Variants in CCDC187 observed in about 807,000 individuals in gnomAD.
CCDC187 encodes the protein coiled-coil domain containing 187.
In CCDC187, 32 loss-of-function variants were observed where a neutral mutation model predicts 38.0. The observed-to-expected ratio is 0.84, with a 90% CI of 0.64 to 1.13. The LOEUF is 1.13. Among genes scored for constraint, CCDC187 ranks in the 50% most tolerant of loss-of-function variants. The pLI is 0.00. For synonymous variants in CCDC187, 333 were observed against 347.9 expected, an observed-to-expected ratio of 0.96 and a Z score of 0.48; for missense variants, 707 against 786.8, an observed-to-expected ratio of 0.90 and a Z score of 1.21.
rs73670220 is a variant in CCDC187, at chr9:136,265,863, T to C, written c.3735+93A>G. 4.6e-4 allele frequency: 284 copies of C among 620,446 alleles called. No individual in the cohort carries two copies. The African/African-American group carries it at 5.3e-3, about 12-fold the overall frequency. The allele number at this position is 620,446 out of a possible 1,614,324, so 38.4% of individuals were successfully genotyped here. The stretch of plus-strand genomic sequence containing the variant: ...AGGGCTTGGGAATTCTTTAGCTCTG[T>C]TGCTGGGGAATGTTCAGATTCCAGG... On this transcript the variant is annotated intron_variant, in intron 17 of 25. Coordinates refer to ENST00000638797, the MANE Select transcript of CCDC187 (RefSeq NM_001378188.1).
In CCDC187 at chr9:136,253,079, T is replaced by G. The variant is rs782073171; in HGVS notation, c.*515A>C. ...CTTCCTGTTCTTACCCAGCATTTCT[T>G]TGGGGTCTTGGCCCCTGGTGGGGGT... On this transcript the variant is annotated 3_prime_UTR_variant, in exon 26 of 26. Coordinates refer to ENST00000638797, the MANE Select transcript of CCDC187 (RefSeq NM_001378188.1). The G allele has an allele frequency of 6.6e-6, 1 of 152,426 alleles. No homozygotes were observed. The highest frequency in any genetic ancestry group is 1.5e-5 in the Non-Finnish European group (1 of 68,264). 9.4% of individuals were successfully genotyped at this position (152,426 alleles called of 1,614,324 possible).
intron 7 of CCDC187, among the ~76,000 whole-genome samples, chr9:136,287,127 C>T (rs1042330758): frequency 1.2e-4 from 19 of 152,166 alleles, no homozygotes; most frequent in African/African-American, 2.7e-4. Flanking sequence ...CATCGAGGGA[C>T]GAACGGAGAA....
At chr9:136,269,476 C>T (rs555712427) in intron 14 of CCDC187, among the ~76,000 whole-genome samples, 6 of 152,172 alleles carry the variant, frequency 3.9e-5, no homozygotes, top group Admixed American at 1.3e-4. Flanking sequence ...GGTGAAACCC[C>T]GTCTCTACTA....
intron 2 of CCDC187, among the ~76,000 whole-genome samples, chr9:136,302,090 A>G (rs1254730107): frequency 1.1e-4 from 16 of 151,916 alleles, no homozygotes; most frequent in African/African-American, 3.6e-4. Context: ...GGTGCCTGTA[A>G]TCCCAGCTAC....
chr9:136,253,545 GGTC>G lies in CCDC187; in HGVS notation c.*46_*48del. ...GCTGCAGAACTGCATCTACCCAACT[GGTC>G]GTCAACGCTTCCACCCGGACCAGCC... On this transcript the variant is annotated 3_prime_UTR_variant, in exon 26 of 26. Transcript: ENST00000638797. The G allele has an allele frequency of 1.1e-6, 1 of 950,170 alleles. No individual in the cohort carries two copies. Among genetic ancestry groups the G allele is most frequent in the Non-Finnish European group, 1.3e-6 (1 of 797,666 alleles). 58.9% of individuals were successfully genotyped at this position (950,170 alleles called of 1,614,324 possible). A position where few individuals can be genotyped will look rare whatever the true frequency, so the allele number is the denominator to read the frequency against.
intron 15 of CCDC187, chr9:136,267,841 C>T (rs1830773881): frequency 6.1e-6 from 6 of 984,714 alleles, no homozygotes; most frequent in Non-Finnish European, 7.2e-6. Context: ...GTTGAAATGC[C>T]TGCCCCCCTC....
chr9:136,288,307 A>G (rs1414737475), intron 7 of CCDC187, among the ~76,000 whole-genome samples: 1 of 152,122 alleles, frequency 6.6e-6, no homozygotes, highest in Non-Finnish European at 1.5e-5. Context: ...TCAAGACAAA[A>G]TGGAGCCAAA....
Position 136,258,606 on chromosome 9 carries a change from T to C in CCDC187, c.4366+326A>G, listed in dbSNP as rs953865969. The C allele has an allele frequency of 1.3e-6, 1 of 761,274 alleles. No homozygotes were observed. Among genetic ancestry groups the C allele is most frequent in the East Asian group, 1.3e-4 (1 of 7,728 alleles). The allele number at this position is 761,274 out of a possible 1,614,324, so 47.2% of individuals were successfully genotyped here. Reference sequence around the variant, plus strand: ...AATGTAATCGGTGCAGAAACCTCCGTCAGCTGAAGACGCTCAGGCAGTGCT... The same window carrying C: ...AATGTAATCGGTGCAGAAACCTCCGCCAGCTGAAGACGCTCAGGCAGTGCT... On this transcript the variant is annotated intron_variant, in intron 22 of 25. Coordinates refer to ENST00000638797, the MANE Select transcript of CCDC187 (RefSeq NM_001378188.1). This position sits in a 1 kb window ranked among gnomAD's most constrained non-coding sequence, Gnocchi z 4.3.
rs1554759216 is a variant in CCDC187, at chr9:136,250,747, TC to T, written c.*2846del. On this transcript the variant is annotated 3_prime_UTR_variant, in exon 26 of 26. Coordinates refer to ENST00000638797, the MANE Select transcript of CCDC187 (RefSeq NM_001378188.1). ...TCAGATGCATGGCCCGAGCTGGGCT[TC>T]CTGTGCACATGGTGAATGGGGACCC... 1 of 456,162 alleles carries T rather than the reference TC, an allele frequency of 2.2e-6. No individual in the cohort carries two copies. The highest frequency in any genetic ancestry group is 2.3e-5 in the Admixed American group (1 of 42,564). 28.3% of individuals were successfully genotyped at this position (456,162 alleles called of 1,614,324 possible). A position where few individuals can be genotyped will look rare whatever the true frequency, so the allele number is the denominator to read the frequency against.
chr9:136,258,306 C>T lies in CCDC187; in HGVS notation c.4366+626G>A, dbSNP rs980727326. ...TCCCTGGCCCCAACGGCAGGGACCC[C>T]CCAGTCTATGCCACCCCCCTTGGGT... On this transcript the variant is annotated intron_variant, in intron 22 of 25. Coordinates refer to ENST00000638797, the MANE Select transcript of CCDC187 (RefSeq NM_001378188.1). This position sits in a 1 kb window ranked among gnomAD's most constrained non-coding sequence, Gnocchi z 4.3. Among the ~76,000 whole-genome samples, 16 of 152,158 alleles carry T rather than the reference C, an allele frequency of 1.1e-4. No homozygotes were observed. The highest frequency in any genetic ancestry group is 2.2e-4 in the Non-Finnish European group (15 of 68,016).
chr9:136,262,806 C>T (rs981247953), intron 18 of CCDC187, among the ~76,000 whole-genome samples: 1 of 152,212 alleles, frequency 6.6e-6, no homozygotes, highest in Non-Finnish European at 1.5e-5. Context: ...TCCTCATCCC[C>T]ACCCTCCAGG....
chr9:136,252,937 A>G lies in CCDC187; in HGVS notation c.*657T>C, dbSNP rs552131174. On this transcript the variant is annotated 3_prime_UTR_variant, in exon 26 of 26. Transcript: ENST00000638797. Reference sequence around the variant, plus strand: ...GGCCTCCCTCAACGTCCTCACCAGCATGCTCAAGGGACCCAGACTTTCCAC... The same window carrying G: ...GGCCTCCCTCAACGTCCTCACCAGCGTGCTCAAGGGACCCAGACTTTCCAC... 6.6e-6 allele frequency: 1 copy of G among 152,336 alleles called. No individual in the cohort carries two copies. The highest frequency in any genetic ancestry group is 6.5e-5 in the Admixed American group (1 of 15,298). 9.4% of individuals were successfully genotyped at this position (152,336 alleles called of 1,614,324 possible). A position where few individuals can be genotyped will look rare whatever the true frequency, so the allele number is the denominator to read the frequency against.
intron 18 of CCDC187, among the ~76,000 whole-genome samples, chr9:136,262,909 A>G (rs2131144877): frequency 6.6e-6 from 1 of 152,028 alleles, no homozygotes; most frequent in East Asian, 1.9e-4. Flanking sequence ...CCTTGTCCAC[A>G]CAGCGTCCTC....
At chr9:136,272,318 C>T (rs34214264) in intron 14 of CCDC187, among the ~76,000 whole-genome samples, 25,526 of 152,268 alleles carry the variant, frequency 0.17, 2,729 homozygotes, top group Middle Eastern at 0.37. Context: ...AGATAATTGG[C>T]TGTTTAAACA....
rs1554759324 is a variant in CCDC187, at chr9:136,251,058, T to A, written c.*2536A>T. 2.2e-6 allele frequency: 1 copy of A among 455,806 alleles called. No individual in the cohort carries two copies. The highest frequency in any genetic ancestry group is 1.5e-5 in the South Asian group (1 of 64,560). The allele number at this position is 455,806 out of a possible 1,614,324, so 28.2% of individuals were successfully genotyped here. A position where few individuals can be genotyped will look rare whatever the true frequency, so the allele number is the denominator to read the frequency against. ...CAGACTGCATGCATAAAGTCTGGAG[T>A]ATGCTCCTCTCTGAAGTGGAGGAGG... On this transcript the variant is annotated 3_prime_UTR_variant, in exon 26 of 26. Coordinates refer to ENST00000638797, the MANE Select transcript of CCDC187 (RefSeq NM_001378188.1).
chr9:136,269,734 T>C lies in CCDC187; in HGVS notation c.3443-1609A>G, dbSNP rs548060616. 8.5e-5 allele frequency among the ~76,000 whole-genome samples: 13 copies of C among 152,206 alleles called. No individual in the cohort carries two copies. In the South Asian group the frequency reaches 2.5e-3, roughly 29 times the overall value. On this transcript the variant is annotated intron_variant, in intron 14 of 25. Transcript: ENST00000638797. The stretch of plus-strand genomic sequence containing the variant: ...TAAAATTCACAGGGCCCAGAAGATA[T>C]GCAAAGAAACCAGAAAAACACAACC...
rs1830663382 is a variant in CCDC187 at position 136,260,101 on chromosome 9, GC to G, written c.4210+17del. ...AGCATCCGTCTGACCCTGGGCGGTC[GC>G]CGCGGCTGCTCATTACCTTGACTGA... is the stretch of plus-strand genomic sequence containing the variant. On this transcript the variant is annotated intron_variant, in intron 20 of 25. Coordinates refer to ENST00000638797, the MANE Select transcript of CCDC187 (RefSeq NM_001378188.1). 1 of 985,270 alleles carries G rather than the reference GC, an allele frequency of 1.0e-6. No homozygotes were observed. The highest frequency in any genetic ancestry group is 6.1e-5 in the Admixed American group (1 of 16,268). The allele number at this position is 985,270 out of a possible 1,614,324, so 61.0% of individuals were successfully genotyped here.
rs1588646935 is a variant in CCDC187, at chr9:136,252,614, T to A, written c.*980A>T. The A allele has an allele frequency of 1.2e-5, 2 of 167,066 alleles. No homozygotes were observed. The highest frequency in any genetic ancestry group is 3.8e-4 in the East Asian group (2 of 5,228). The allele number at this position is 167,066 out of a possible 1,614,324, so 10.3% of individuals were successfully genotyped here. On this transcript the variant is annotated 3_prime_UTR_variant, in exon 26 of 26. Coordinates refer to ENST00000638797, the MANE Select transcript of CCDC187 (RefSeq NM_001378188.1). ...CCCTGGGAAAGTCCAGGCCTCTAGG[T>A]TCTTACTCCCACGTGTGCATGTGTA...
At position 136,255,377 on chromosome 9, in the gene CCDC187, T is replaced by C. The variant is rs1239221246; in HGVS notation, c.4694-243A>G. Reference sequence around the variant, plus strand: ...GCCGAGCCTCGGGCACCCGGCCTCATAGCACCACAGCTGTGGTTCAAGGAC... The same window carrying C: ...GCCGAGCCTCGGGCACCCGGCCTCACAGCACCACAGCTGTGGTTCAAGGAC... On this transcript the variant is annotated intron_variant, in intron 25 of 25. Coordinates refer to ENST00000638797, the MANE Select transcript of CCDC187 (RefSeq NM_001378188.1). 5.9e-5 allele frequency among the ~76,000 whole-genome samples: 9 copies of C among 152,018 alleles called. No individual in the cohort carries two copies. The East Asian group carries it at 1.5e-3, about 26-fold the overall frequency.
Sources: allele counts gnomAD v4.1 joint callset (sites outside exome capture counted in the v4.1 genomes callset), GRCh38; gene constraint gnomAD v4.1.1; non-coding constraint Gnocchi (gnomAD v3.1); transcripts MANE v1.5; gene names NCBI Gene and HGNC (gene_info 2026-07-23, HGNC 2026-07-21).